The following RFX7 variants were observed in gnomAD, a reference collection of about 807,000 sequenced individuals.
The protein encoded by RFX7 is regulatory factor X7.
A neutral mutation model predicts 111.8 loss-of-function variants in RFX7; 26 were observed. The ratio of observed to expected loss-of-function variants is 0.23; its 90% confidence interval spans 0.17 to 0.32. The LOEUF (loss-of-function observed/expected upper bound fraction) is 0.32. RFX7 is among the 10% of genes least tolerant of loss of function. RFX7 has a pLI of 1.00. For synonymous variants in RFX7, 624 were observed against 624.4 expected, an observed-to-expected ratio of 1.00 and a Z score of 0.01; for missense variants, 1,573 against 1,772.9, an observed-to-expected ratio of 0.89 and a Z score of 2.02.
intron 8 of RFX7, among the ~76,000 whole-genome samples, chr15:56,099,493 G>C (rs1032648863): frequency 6.6e-6 from 1 of 152,082 alleles, no homozygotes; most frequent in African/African-American, 2.4e-5. Context: ...CTGCACTCTG[G>C]AGAGCCTCTG....
At chr15:56,141,656 A>AATAAATATATATATAT (rs1555421060) in intron 5 of RFX7, among the ~76,000 whole-genome samples, 1 of 83,210 alleles carries the variant, frequency 1.2e-5, no homozygotes, top group Non-Finnish European at 2.2e-5. Context: ...GCTTACTCTA[A>AATAAATATATATATAT]ATATATATAT....
chr15:56,109,253 G>A (rs1292857477), intron 5 of RFX7, among the ~76,000 whole-genome samples: 14 of 152,250 alleles, frequency 9.2e-5, no homozygotes, highest in Admixed American at 9.2e-4. Context: ...TCGCTGTGTT[G>A]GCCAGGCTGG....
chr15:56,220,669 CAGA>C (rs534191155), intron 2 of RFX7, among the ~76,000 whole-genome samples: 113 of 152,252 alleles, frequency 7.4e-4, no homozygotes, highest in Non-Finnish European at 1.4e-3. Context: ...TTCTGCTGTG[CAGA>C]AGTTCTTTAG....
intron 5 of RFX7, among the ~76,000 whole-genome samples, chr15:56,118,487 C>T (rs1029876586): frequency 6.6e-5 from 10 of 152,160 alleles, no homozygotes; most frequent in Non-Finnish European, 1.3e-4. Flanking sequence ...ACATAGTGAC[C>T]TCCAGTTCCA....
intron 2 of RFX7, among the ~76,000 whole-genome samples, chr15:56,198,677 A>G (rs1000863589): frequency 6.6e-6 from 1 of 152,180 alleles, no homozygotes; most frequent in Non-Finnish European, 1.5e-5. Flanking sequence ...ACCAGTAGCC[A>G]TAAGGACACT....
chr15:56,242,860 G>T (rs1462016535), intron 2 of RFX7, among the ~76,000 whole-genome samples: 2 of 152,114 alleles, frequency 1.3e-5, no homozygotes, highest in East Asian at 3.8e-4. Context: ...TACAATGAGT[G>T]AAAAAATAAA....
At chr15:56,163,907 CTTA>C (rs1283780112) in intron 3 of RFX7, among the ~76,000 whole-genome samples, 1 of 152,136 alleles carries the variant, frequency 6.6e-6, no homozygotes, top group African/African-American at 2.4e-5. Flanking sequence ...AAGAATAGCT[CTTA>C]TAATAACCTT....
In RFX7 at chr15:56,120,983, T is replaced by G. The variant is rs1405000431; in HGVS notation, c.402-17313A>C. Among the ~76,000 whole-genome samples the G allele has an allele frequency of 3.3e-5, 5 of 152,332 alleles. No individual in the cohort carries two copies. In the East Asian group the frequency reaches 9.6e-4, roughly 29 times the overall value. On this transcript the variant is annotated intron_variant, in intron 5 of 9. Coordinates refer to ENST00000559447, the MANE Select transcript of RFX7 (RefSeq NM_022841.7). ...AAGTTGTGTAGTTATTGTTTTTGAT[T>G]AGTTCATCTATTAGTCTTCCTACTA...
In RFX7 at chr15:56,096,179, C is replaced by T. The variant is rs542838874; in HGVS notation, c.1549G>A (p.Val517Met). 2.5e-5 allele frequency: 40 copies of T among 1,613,884 alleles called. No homozygotes were observed. In the African/African-American group the frequency reaches 2.8e-4, roughly 11 times the overall value. ...CTGGACCCAGGAGACTGAAGCGACA[C>T]GACAGAACCATTCTTGATCTGTGGA... ...SVPQIKNGSV[V>M]SLQSPGSRSS... The change falls in exon 10 of 10, where the codon GTG becomes ATG. Residue 517 changes from valine to methionine, a missense_variant. By Grantham distance (21) the Val-to-Met change is conservative. Around this residue, in one of 7 missense-constraint regions of RFX7, gnomAD observed 625 missense variants for 632.2 expected, o/e 0.99. Transcript: ENST00000559447.
intron 2 of RFX7, among the ~76,000 whole-genome samples, chr15:56,211,449 C>T (rs1343462780): frequency 1.3e-5 from 2 of 152,022 alleles, no homozygotes; most frequent in Admixed American, 6.6e-5. Context: ...AAAACTTTAT[C>T]CTAGAACACA....
intron 3 of RFX7, among the ~76,000 whole-genome samples, chr15:56,155,072 T>A (rs1380344561): frequency 6.6e-6 from 1 of 152,078 alleles, no homozygotes; most frequent in African/African-American, 2.4e-5. Context: ...GGAACCACAA[T>A]AAGATACCAT....
intron 5 of RFX7, among the ~76,000 whole-genome samples, chr15:56,138,557 G>A (rs1168563498): frequency 4.6e-5 from 7 of 151,010 alleles, no homozygotes; most frequent in Non-Finnish European, 8.9e-5. Context: ...GATGGGTCTT[G>A]ACTCTTTATC....
At chr15:56,111,491 C>T (rs1226603302) in intron 5 of RFX7, among the ~76,000 whole-genome samples, 1 of 151,140 alleles carries the variant, frequency 6.6e-6, no homozygotes, top group African/African-American at 2.4e-5. Context: ...ATCTCAAGTA[C>T]CCAGGGACAC....
At chr15:56,160,665 T>C (rs1291508045) in intron 3 of RFX7, 1 of 151,806 alleles carries the variant, frequency 6.6e-6, no homozygotes. Context: ...AGGGAGAAAA[T>C]ATAAAGCTTA....
chr15:56,197,504 T>A (rs999804549), intron 2 of RFX7, among the ~76,000 whole-genome samples: 8 of 152,176 alleles, frequency 5.3e-5, no homozygotes, highest in South Asian at 2.1e-4. Flanking sequence ...GGATTCCATG[T>A]GTGATGTGAT....
intron 2 of RFX7, among the ~76,000 whole-genome samples, chr15:56,195,539 T>C (rs1400435379): frequency 1.3e-5 from 2 of 152,176 alleles, no homozygotes; most frequent in Admixed American, 1.3e-4. Context: ...GAAATAGTCA[T>C]TGTTCTTAGT....
In RFX7 at chr15:56,190,210, A is replaced by C. The variant is rs185893471; in HGVS notation, c.162-10907T>G. On this transcript the variant is annotated intron_variant, in intron 2 of 9. Transcript: ENST00000559447. ...GAGGCTTCCCTGCTCACTGGGAAGG[A>C]TCATGTACAGACAACATAATGCAAT... Among the ~76,000 whole-genome samples the C allele has an allele frequency of 2.0e-5, 3 of 152,384 alleles. No homozygotes were observed. In the East Asian group the frequency reaches 5.8e-4, roughly 29 times the overall value.
chr15:56,146,464 T>G (rs1246738167), intron 3 of RFX7, among the ~76,000 whole-genome samples: 2 of 152,048 alleles, frequency 1.3e-5, no homozygotes, highest in Non-Finnish European at 2.9e-5. Flanking sequence ...GTTATAATAA[T>G]AAAATACCTA....
intron 5 of RFX7, among the ~76,000 whole-genome samples, chr15:56,131,989 A>G (rs2042224638): frequency 6.6e-6 from 1 of 152,132 alleles, no homozygotes; most frequent in African/African-American, 2.4e-5. Flanking sequence ...TCATTTTTTC[A>G]TATTATTCAT....
Sources: gnomAD v4.1 joint callset for allele counts (sites outside exome capture counted in the v4.1 genomes callset) on GRCh38, gnomAD v4.1.1 for gene constraint, gnomAD v4.1.1 regional missense constraint, MANE v1.5 for transcripts, NCBI Gene and HGNC (gene_info 2026-07-23, HGNC 2026-07-21) for gene names.